The following PMS1 variants were observed in gnomAD, a reference collection of about 807,000 sequenced individuals.
PMS1 encodes the protein PMS1 protein homolog 1.
In PMS1, 79 loss-of-function variants were observed where a neutral mutation model predicts 93.1. The ratio of observed to expected loss-of-function variants is 0.85; its 90% confidence interval spans 0.71 to 1.02. PMS1 has a LOEUF of 1.02. PMS1 is among the 50% of genes least tolerant of loss of function. The probability of loss-of-function intolerance (pLI) is 0.00; values close to 1 mark genes in which losing one functional copy is unlikely to be tolerated. For synonymous variants in PMS1, 335 were observed against 363.4 expected (o/e 0.92, Z 0.89); for missense variants, 1,064 against 1,085.3 (o/e 0.98, Z 0.28).
intron 6 of PMS1, among the ~76,000 whole-genome samples, chr2:189,849,477 A>G (rs2054515972): frequency 6.6e-6 from 1 of 152,090 alleles, no homozygotes. Context: ...TTTAAGAAGC[A>G]TGTTACATAT....
intron 4 of PMS1, among the ~76,000 whole-genome samples, chr2:189,813,416 A>G (rs2051011138): frequency 7.2e-6 from 1 of 139,398 alleles, no homozygotes; most frequent in African/African-American, 2.7e-5. Flanking sequence ...TATGTGTCTT[A>G]GTTAACCAAT....
At chr2:189,834,554 T>C (rs559257480) in intron 5 of PMS1, among the ~76,000 whole-genome samples, 1 of 152,294 alleles carries the variant, frequency 6.6e-6, no homozygotes, top group East Asian at 1.9e-4. Context: ...ACACAAGGAA[T>C]GGAGAAGAGG....
At chr2:189,822,196 CG>C (rs1559257671) in intron 5 of PMS1, among the ~76,000 whole-genome samples, 1 of 152,172 alleles carries the variant, frequency 6.6e-6, no homozygotes, top group African/African-American at 2.4e-5. Flanking sequence ...GCGCTGAAGT[CG>C]GATCCGGATC....
chr2:189,786,458 G>T (rs2048356172), intron 1 of PMS1, among the ~76,000 whole-genome samples: 1 of 152,168 alleles, frequency 6.6e-6, no homozygotes, highest in South Asian at 2.1e-4. Flanking sequence ...AGAGATGACT[G>T]GGTGGCAGGA....
At chr2:189,836,837 T>A (rs2053422189) in intron 5 of PMS1, among the ~76,000 whole-genome samples, 1 of 152,248 alleles carries the variant, frequency 6.6e-6, no homozygotes. Flanking sequence ...TTCTCATGTT[T>A]CACAGCTTTT....
Position 189,854,948 on chromosome 2 carries a change from A to G in PMS1, c.1676A>G (p.Lys559Arg). The G allele has an allele frequency of 6.2e-7, 1 of 1,611,124 alleles. No homozygotes were observed. Among genetic ancestry groups the G allele is most frequent in the Non-Finnish European group, 8.5e-7 (1 of 1,177,896 alleles). ...AATGTAATAGATAATAAATCTGGAA[A>G]AGTTACAGCTTATGATTTACTTAGC... ...KSNVIDNKSG[K>R]VTAYDLLSNR... is the part of the protein sequence containing the mutation. The change falls in exon 9 of 13, where the codon AAA (lysine) becomes AGA (arginine). Residue 559 changes from lysine (K) to arginine (R), a missense_variant. By Grantham distance (26) the Lys-to-Arg change is conservative. Transcript: ENST00000441310.
At chr2:189,825,583 A>G (rs1458363801) in intron 5 of PMS1, among the ~76,000 whole-genome samples, 1 of 152,202 alleles carries the variant, frequency 6.6e-6, no homozygotes, top group Non-Finnish European at 1.5e-5. Flanking sequence ...TCCTATATAC[A>G]TTATAATTGC....
At chr2:189,846,863 CTT>C (rs751908829) in intron 6 of PMS1, among the ~76,000 whole-genome samples, 3 of 137,726 alleles carry the variant, frequency 2.2e-5, no homozygotes, top group African/African-American at 2.6e-5. Flanking sequence ...TCTTTTTTTT[CTT>C]TTTTTTTTTT....
chr2:189,798,756 G>GTTTTTTTT (rs2049587934), intron 3 of PMS1, among the ~76,000 whole-genome samples: 2 of 125,232 alleles, frequency 1.6e-5, no homozygotes, highest in Non-Finnish European at 3.4e-5. Context: ...ATAAGTATTT[G>GTTTTTTTT]ATTTTTTTTT....
intron 2 of PMS1, 24 bp from the exon 3 acceptor site, chr2:189,795,743 TAA>T: frequency 6.4e-7 from 1 of 1,563,294 alleles, no homozygotes; most frequent in Non-Finnish European, 8.8e-7. Flanking sequence ...TTTTACATAT[TAA>T]AAGTGTTTTT....
chr2:189,791,061 A>G (rs1483053181), intron 1 of PMS1, among the ~76,000 whole-genome samples: 2 of 151,832 alleles, frequency 1.3e-5, no homozygotes, highest in Admixed American at 1.3e-4. Flanking sequence ...TCTTCCTCTA[A>G]TGTTATTGTG....
chr2:189,822,845 A>C (rs1261632592), intron 5 of PMS1, among the ~76,000 whole-genome samples: 1 of 152,228 alleles, frequency 6.6e-6, no homozygotes, highest in Non-Finnish European at 1.5e-5. Flanking sequence ...TTCTAGAGTA[A>C]AAATCTTATA....
At chr2:189,825,449 TTCTCAATA>T (rs1166137511) in intron 5 of PMS1, among the ~76,000 whole-genome samples, 1 of 152,220 alleles carries the variant, frequency 6.6e-6, no homozygotes, top group African/African-American at 2.4e-5. Flanking sequence ...TAACAGTTTT[TTCTCAATA>T]TTATAGTATC....
intron 5 of PMS1, among the ~76,000 whole-genome samples, chr2:189,819,537 A>G (rs1188308994): frequency 6.6e-6 from 1 of 152,112 alleles, no homozygotes; most frequent in Non-Finnish European, 1.5e-5. Context: ...ATCCTCACCA[A>G]CATCTGTTAT....
intron 9 of PMS1, 145 bp from the exon 10 acceptor site, chr2:189,863,598 A>G: frequency 3.1e-6 from 2 of 650,104 alleles, no homozygotes; most frequent in Non-Finnish European, 5.4e-6. Flanking sequence ...TGTCATAGTT[A>G]TATGCAGGAG....
intron 4 of PMS1, among the ~76,000 whole-genome samples, chr2:189,810,522 A>C (rs535687461): frequency 1.3e-5 from 2 of 152,346 alleles, no homozygotes; most frequent in South Asian, 4.1e-4. Flanking sequence ...TTTTATAGCC[A>C]CTTGTGGGCA....
chr2:189,819,081 A>C (rs370073458), intron 5 of PMS1, among the ~76,000 whole-genome samples: 77 of 152,292 alleles, frequency 5.1e-4, no homozygotes, highest in African/African-American at 1.7e-3. Context: ...TCCATTGTCT[A>C]TCATTCCACA....
At chr2:189,856,309 C>G (rs1378534205) in intron 9 of PMS1, among the ~76,000 whole-genome samples, 1 of 152,034 alleles carries the variant, frequency 6.6e-6, no homozygotes, top group African/African-American at 2.4e-5. Flanking sequence ...TACTTCCATT[C>G]ACTTTCTTTC....
At chr2:189,795,551 A>C (rs1260084900) in intron 2 of PMS1, among the ~76,000 whole-genome samples, 1 of 152,204 alleles carries the variant, frequency 6.6e-6, no homozygotes, top group Non-Finnish European at 1.5e-5. Flanking sequence ...TAACCTCCTT[A>C]TTCAACAGTT....
Sources: allele counts gnomAD v4.1 joint callset (sites outside exome capture counted in the v4.1 genomes callset), GRCh38; gene constraint gnomAD v4.1.1; transcripts MANE v1.5; gene names NCBI Gene and HGNC (gene_info 2026-07-23, HGNC 2026-07-21).